The following GCNT2 variants were observed in gnomAD, a reference collection of about 807,000 sequenced individuals.
GCNT2 encodes N-acetyllactosaminide beta-1,6-N-acetylglucosaminyl-transferase.
Under a neutral mutation model 34.2 loss-of-function variants are expected in GCNT2, and 34 were observed. That is an observed-to-expected ratio of 1.00 (90% CI 0.76 to 1.32). The LOEUF is 1.32. Among genes scored for constraint, GCNT2 ranks in the 40% most tolerant of loss-of-function variants. The pLI, the probability that GCNT2 is intolerant of heterozygous loss-of-function variation, is 0.00. For missense variants in GCNT2, 584 were observed against 489.4 expected, an observed-to-expected ratio of 1.19 and a Z score of -1.82; for synonymous variants, 212 against 188.0, an observed-to-expected ratio of 1.13 and a Z score of -1.04.
intron 3 of GCNT2, among the ~76,000 whole-genome samples, chr6:10,568,934 A>G (rs1347766446): frequency 6.6e-6 from 1 of 151,548 alleles, no homozygotes; most frequent in Admixed American, 6.6e-5. Flanking sequence ...TTCTGGTCTT[A>G]TTTTTTCCCA....
At chr6:10,608,359 T>C (rs112324120) in intron 3 of GCNT2, among the ~76,000 whole-genome samples, 18,610 of 152,132 alleles carry the variant, frequency 0.12, 1,762 homozygotes, top group African/African-American at 0.26. Context: ...ATTACAGGCG[T>C]GAGCCACCAC....
intron 3 of GCNT2, among the ~76,000 whole-genome samples, chr6:10,582,886 G>T (rs1055113871): frequency 2.6e-5 from 4 of 152,018 alleles, no homozygotes; most frequent in African/African-American, 7.2e-5. Context: ...TCAACAAGAG[G>T]TATCTCATTT....
At chr6:10,533,735 A>G (rs1271126439) in intron 3 of GCNT2, among the ~76,000 whole-genome samples, 1 of 129,348 alleles carries the variant, frequency 7.7e-6, no homozygotes. Context: ...CAGGAGGCAG[A>G]GGTTGTGGTG....
intron 1 of GCNT2, among the ~76,000 whole-genome samples, chr6:10,523,422 G>A (rs1346901732): frequency 2.6e-5 from 3 of 116,926 alleles, no homozygotes; most frequent in African/African-American, 6.5e-5. Context: ...GCGAAACTCC[G>A]TCTCAAAAGA....
intron 3 of GCNT2, among the ~76,000 whole-genome samples, chr6:10,605,739 A>G (rs964942107): frequency 6.6e-6 from 1 of 152,062 alleles, no homozygotes; most frequent in Non-Finnish European, 1.5e-5. Flanking sequence ...TTTATTCCCT[A>G]CCATTTGCAC....
At chr6:10,608,731 A>AG (rs1765427663) in intron 3 of GCNT2, among the ~76,000 whole-genome samples, 1 of 152,232 alleles carries the variant, frequency 6.6e-6, no homozygotes, top group Non-Finnish European at 1.5e-5. Context: ...TTAGTTCCTA[A>AG]CAAGGTTGAG....
chr6:10,581,865 A>G (rs1764081720), intron 3 of GCNT2: 3 of 985,008 alleles, frequency 3.0e-6, no homozygotes, highest in Non-Finnish European at 3.6e-6. Flanking sequence ...TCTAGTAAGA[A>G]TGAAGAGACA....
chr6:10,575,788 A>G (rs1763781440), intron 3 of GCNT2, among the ~76,000 whole-genome samples: 1 of 152,046 alleles, frequency 6.6e-6, no homozygotes, highest in Non-Finnish European at 1.5e-5. Flanking sequence ...TGATGACATT[A>G]CCTTGTGAAA....
chr6:10,604,126 AC>A (rs1462826949), intron 3 of GCNT2, among the ~76,000 whole-genome samples: 1 of 150,500 alleles, frequency 6.6e-6, no homozygotes, highest in Admixed American at 6.6e-5. Flanking sequence ...CGATCTCCTG[AC>A]CTCATGTGAT....
At chr6:10,585,535 GC>G (rs1349510926) in intron 3 of GCNT2, among the ~76,000 whole-genome samples, 1 of 152,198 alleles carries the variant, frequency 6.6e-6, no homozygotes, top group African/African-American at 2.4e-5. Context: ...ATTCTAGAAG[GC>G]TTGGAGAAAG....
chr6:10,528,689 A>C lies in GCNT2; in HGVS notation c.-223A>C. ...GCCAAATGCAAAGGAGCCACTTCAG[A>C]AATGTGTCACAGAAAAGTGAAAATG... On this transcript the variant is annotated 5_prime_UTR_variant, in exon 3 of 5. Transcript: ENST00000495262. The C allele has an allele frequency of 1.7e-6, 1 of 594,708 alleles. No individual in the cohort carries two copies. The highest frequency in any genetic ancestry group is 2.0e-5 in the South Asian group (1 of 49,444). The allele number at this position is 594,708 out of a possible 1,614,324, so 36.8% of individuals were successfully genotyped here. A position where few individuals can be genotyped will look rare whatever the true frequency, so the allele number is the denominator to read the frequency against.
chr6:10,579,677 G>A (rs1199566913), intron 3 of GCNT2, among the ~76,000 whole-genome samples: 1 of 152,088 alleles, frequency 6.6e-6, no homozygotes, highest in East Asian at 1.9e-4. Context: ...TCAGCTGGCT[G>A]TGGTGGCTGG....
intron 3 of GCNT2, among the ~76,000 whole-genome samples, chr6:10,615,824 T>C (rs1321046099): frequency 6.6e-6 from 1 of 152,224 alleles, no homozygotes; most frequent in South Asian, 2.1e-4. Flanking sequence ...CTTCCTGACA[T>C]TGCTATGGCA....
At chr6:10,579,595 C>G (rs1188623279) in intron 3 of GCNT2, among the ~76,000 whole-genome samples, 1 of 151,964 alleles carries the variant, frequency 6.6e-6, no homozygotes, top group Non-Finnish European at 1.5e-5. Context: ...GCGGGTGGAT[C>G]ACTTGAGGTC....
intron 3 of GCNT2, among the ~76,000 whole-genome samples, chr6:10,617,612 G>A (rs1765838955): frequency 6.6e-6 from 1 of 152,210 alleles, no homozygotes; most frequent in African/African-American, 2.4e-5. Flanking sequence ...ATGCGGTCCA[G>A]TAGGTTTCAG....
intron 3 of GCNT2, among the ~76,000 whole-genome samples, chr6:10,601,202 T>C (rs1765075202): frequency 6.6e-6 from 1 of 152,158 alleles, no homozygotes; most frequent in Non-Finnish European, 1.5e-5. Context: ...CCGTTATTTT[T>C]TTGAAAAAGT....
intron 4 of GCNT2, among the ~76,000 whole-genome samples, chr6:10,623,769 T>G (rs1581497918): frequency 6.6e-6 from 1 of 152,328 alleles, no homozygotes. Context: ...TTGACCAGTT[T>G]GTTCACTGTT....
chr6:10,605,553 C>T (rs1289189479), intron 3 of GCNT2, among the ~76,000 whole-genome samples: 1 of 151,994 alleles, frequency 6.6e-6, no homozygotes, highest in East Asian at 1.9e-4. Context: ...GGCCCCACCT[C>T]CACCCAGGTA....
At chr6:10,614,016 T>C (rs1228153126) in intron 3 of GCNT2, among the ~76,000 whole-genome samples, 2 of 152,150 alleles carry the variant, frequency 1.3e-5, no homozygotes, top group Admixed American at 6.5e-5. Context: ...CAACTGGACA[T>C]TGGCAAGAGT....
Sources: allele counts gnomAD v4.1 joint callset (sites outside exome capture counted in the v4.1 genomes callset), GRCh38; gene constraint gnomAD v4.1.1; transcripts MANE v1.5; gene names NCBI Gene and HGNC (gene_info 2026-07-23, HGNC 2026-07-21).